The following CAMK1D variants were observed in gnomAD, a reference collection of about 807,000 sequenced individuals.
CAMK1D encodes calcium/calmodulin-dependent protein kinase type 1D.
In CAMK1D, 9 loss-of-function variants were observed where a neutral mutation model predicts 47.7. That is an observed-to-expected ratio of 0.19 (90% CI 0.11 to 0.33). The LOEUF (loss-of-function observed/expected upper bound fraction) is 0.33, where lower values mean the gene tolerates loss of function less well. CAMK1D is among the 10% of genes least tolerant of loss of function. The pLI, the probability that CAMK1D is intolerant of heterozygous loss-of-function variation, is 1.00. For missense variants in CAMK1D, 291 were observed against 488.7 expected (o/e 0.60, Z 3.81); for synonymous variants, 184 against 184.9 (o/e 0.99, Z 0.04).
At chr10:12,481,069 G>A (rs561034049) in intron 1 of CAMK1D, among the ~76,000 whole-genome samples, 15 of 152,242 alleles carry the variant, frequency 9.9e-5, no homozygotes, top group African/African-American at 3.6e-4. Context: ...CTAATGAAAG[G>A]CCACCAGGTT....
intron 1 of CAMK1D, among the ~76,000 whole-genome samples, chr10:12,440,268 A>G (rs932865900): frequency 6.7e-5 from 10 of 148,562 alleles, no homozygotes; most frequent in Admixed American, 5.5e-4. Flanking sequence ...CATTCCAACT[A>G]TACGTTAGTC....
chr10:12,740,487 A>G (rs1371993868), intron 3 of CAMK1D, among the ~76,000 whole-genome samples: 1 of 152,180 alleles, frequency 6.6e-6, no homozygotes, highest in Non-Finnish European at 1.5e-5. Flanking sequence ...AGTCCCAGCT[A>G]CTCGGGAGGC....
intron 1 of CAMK1D, among the ~76,000 whole-genome samples, chr10:12,526,872 C>T (rs959481993): frequency 1.5e-5 from 2 of 129,546 alleles, no homozygotes; most frequent in Admixed American, 8.6e-5. Context: ...GAGCTGTGAT[C>T]ATATCATTGA....
intron 3 of CAMK1D, among the ~76,000 whole-genome samples, chr10:12,670,929 G>T (rs1840596161): frequency 6.6e-6 from 1 of 152,126 alleles, no homozygotes; most frequent in African/African-American, 2.4e-5. Context: ...CCCTCTAAAA[G>T]AAACCCTGTA....
chr10:12,408,192 C>T (rs377007433), intron 1 of CAMK1D, among the ~76,000 whole-genome samples: 9 of 148,418 alleles, frequency 6.1e-5, no homozygotes, highest in Non-Finnish European at 3.0e-5. Context: ...GATGGAGTCT[C>T]GGTCTGTTGC....
intron 3 of CAMK1D, 105 bp from the exon 4 acceptor site, chr10:12,760,843 T>C (rs1438799251): frequency 1.6e-6 from 2 of 1,265,678 alleles, no homozygotes; most frequent in South Asian, 1.4e-5. Context: ...AATCTGAAGA[T>C]GGATTCATTT....
chr10:12,735,171 G>A (rs1254875391), intron 3 of CAMK1D, among the ~76,000 whole-genome samples: 1 of 152,210 alleles, frequency 6.6e-6, no homozygotes, highest in Non-Finnish European at 1.5e-5. Context: ...TTTTACAGAT[G>A]TGAGTTTAAG....
intron 2 of CAMK1D, among the ~76,000 whole-genome samples, chr10:12,562,240 CA>C (rs1331358595): frequency 6.6e-5 from 10 of 152,078 alleles, no homozygotes. Context: ...GTGAAGAGAC[CA>C]CCCCCCCTTA....
intron 1 of CAMK1D, among the ~76,000 whole-genome samples, chr10:12,503,016 G>A (rs1834752282): frequency 6.6e-6 from 1 of 151,218 alleles, no homozygotes; most frequent in African/African-American, 2.4e-5. Flanking sequence ...ATGCACGCGT[G>A]TATATATGCA....
chr10:12,445,321 C>G (rs73569409), intron 1 of CAMK1D, among the ~76,000 whole-genome samples: 7 of 152,162 alleles, frequency 4.6e-5, no homozygotes, highest in Non-Finnish European at 7.3e-5. Context: ...TTTAGAATTT[C>G]ATTTTTGGTT....
chr10:12,741,691 A>G (rs1319526411), intron 3 of CAMK1D, among the ~76,000 whole-genome samples: 1 of 152,142 alleles, frequency 6.6e-6, no homozygotes, highest in Non-Finnish European at 1.5e-5. Context: ...GTTTGGGAGC[A>G]GGTGGTTTTC....
intron 1 of CAMK1D, among the ~76,000 whole-genome samples, chr10:12,396,208 G>A (rs145723979): frequency 3.3e-5 from 5 of 152,222 alleles, no homozygotes; most frequent in East Asian, 2.0e-4. Flanking sequence ...AGTAGCCCCC[G>A]GTCCAGGGCT....
chr10:12,623,059 CCCTCCCTT>C (rs1296923325), intron 2 of CAMK1D, among the ~76,000 whole-genome samples: 3 of 128,662 alleles, frequency 2.3e-5, no homozygotes, highest in Non-Finnish European at 3.3e-5. Flanking sequence ...CTCCCTCCCT[CCCTCCCTT>C]CCTCCCTTCC....
chr10:12,617,480 T>C (rs1001064525), intron 2 of CAMK1D, among the ~76,000 whole-genome samples: 1 of 152,152 alleles, frequency 6.6e-6, no homozygotes, highest in African/African-American at 2.4e-5. Context: ...AAGCCACTTG[T>C]GTGGTAGGCA....
intron 1 of CAMK1D, among the ~76,000 whole-genome samples, chr10:12,535,031 C>T (rs909491479): frequency 3.3e-5 from 5 of 152,164 alleles, no homozygotes; most frequent in Non-Finnish European, 5.9e-5. Flanking sequence ...AGCAGCTAGC[C>T]GCTGGCCACA....
At chr10:12,760,695 C>G in intron 3 of CAMK1D, 1 of 436,992 alleles carries the variant, frequency 2.3e-6, no homozygotes, top group Non-Finnish European at 4.2e-6. Context: ...AGGCAGAGGC[C>G]TGGACAGAAC....
In CAMK1D at chr10:12,770,935, G is replaced by A. The variant is rs117633844; in HGVS notation, c.565+1136G>A. Among the ~76,000 whole-genome samples, 87 of 152,010 alleles carry A rather than the reference G, an allele frequency of 5.7e-4. 1 individual carries two copies. In the East Asian group the frequency reaches 0.015, roughly 25 times the overall value. On this transcript the variant is annotated intron_variant, in intron 5 of 10. Transcript: ENST00000619168. ...GAATTCTTTCTTTTTTGTGGGGGGTGGGGGGTGTGGTAGGGTACTGAATCT... is the reference window on the plus strand; with the variant it reads ...GAATTCTTTCTTTTTTGTGGGGGGTAGGGGGTGTGGTAGGGTACTGAATCT...
intron 5 of CAMK1D, among the ~76,000 whole-genome samples, chr10:12,771,251 G>A (rs74992667): frequency 0.04 from 6,126 of 152,272 alleles, 305 homozygotes; most frequent in African/African-American, 0.12. Flanking sequence ...CTTGTCATGC[G>A]AAGTGCGGTG....
At chr10:12,767,831 G>A (rs531872568) in intron 4 of CAMK1D, among the ~76,000 whole-genome samples, 27 of 152,212 alleles carry the variant, frequency 1.8e-4, no homozygotes, top group Non-Finnish European at 4.0e-4. Flanking sequence ...AATCAGGTAT[G>A]TATTTGTCTC....
Sources: gnomAD v4.1 joint callset for allele counts (sites outside exome capture counted in the v4.1 genomes callset) on GRCh38, gnomAD v4.1.1 for gene constraint, MANE v1.5 for transcripts, NCBI Gene and HGNC (gene_info 2026-07-23, HGNC 2026-07-21) for gene names.